Variants in SLC9A7 observed in about 807,000 individuals in gnomAD.
The protein encoded by SLC9A7 is solute carrier family 9 member A7, also known as sodium/hydrogen exchanger 7.
A neutral mutation model predicts 52.6 loss-of-function variants in SLC9A7; 19 were observed. The ratio of observed to expected loss-of-function variants is 0.36; its 90% confidence interval spans 0.25 to 0.53. The LOEUF is 0.53. Among genes scored for constraint, SLC9A7 ranks in the 20% least tolerant of loss-of-function variants. The pLI, the probability that SLC9A7 is intolerant of heterozygous loss-of-function variation, is 0.91. For synonymous variants in SLC9A7, 226 were observed against 252.1 expected (o/e 0.90, Z 0.98); for missense variants, 455 against 597.9 (o/e 0.76, Z 2.49).
chrX:46,732,636 G>A (rs1007260589), intron 1 of SLC9A7, among the ~76,000 whole-genome samples: 7 of 111,610 alleles, frequency 6.3e-5, no homozygotes, highest in Middle Eastern at 4.6e-3. Flanking sequence ...ATATTGTGGA[G>A]GAAGTAAAAA....
chrX:46,714,514 T>A (rs1487328028), intron 1 of SLC9A7, among the ~76,000 whole-genome samples: 1 of 111,475 alleles, frequency 9.0e-6, no homozygotes, highest in African/African-American at 3.3e-5. Context: ...GGACCTCATC[T>A]CCACCCCAAT....
rs762931973 is a variant in SLC9A7, at chrX:46,600,291, T to G, written c.*6661A>C. On this transcript the variant is annotated 3_prime_UTR_variant, in exon 17 of 17. Coordinates refer to ENST00000616978, the MANE Select transcript of SLC9A7 (RefSeq NM_001257291.2). ...TTGAGGTTTCCATGCTGTTTACAAG[T>G]CCTTTTCTATCTGAGTTCCTCCAAC... 1 of 112,297 alleles carries G rather than the reference T, an allele frequency of 8.9e-6. No individual in the cohort carries two copies. The highest frequency in any genetic ancestry group is 3.7e-4 in the South Asian group (1 of 2,716). 9.3% of individuals were successfully genotyped at this position (112,297 alleles called of 1,213,427 possible). A position where few individuals can be genotyped will look rare whatever the true frequency, so the allele number is the denominator to read the frequency against.
chrX:46,666,366 C>A (rs1943921908), intron 5 of SLC9A7, among the ~76,000 whole-genome samples: 1 of 112,229 alleles, frequency 8.9e-6, no homozygotes, highest in Non-Finnish European at 1.9e-5. Flanking sequence ...TACTAGAAGT[C>A]AATCTGGTCT....
chrX:46,698,365 C>T (rs1944480226), intron 1 of SLC9A7, among the ~76,000 whole-genome samples: 1 of 111,458 alleles, frequency 9.0e-6, no homozygotes, highest in Non-Finnish European at 1.9e-5. Context: ...TGTACTCTGT[C>T]CCTTTATTTC....
chrX:46,668,435 A>G (rs1172813643), intron 5 of SLC9A7, among the ~76,000 whole-genome samples: 1 of 111,515 alleles, frequency 9.0e-6, no homozygotes, highest in Non-Finnish European at 1.9e-5. Flanking sequence ...GCAGAGGCGG[A>G]GGCAGAGGTT....
At chrX:46,735,429 G>A (rs1026152560) in intron 1 of SLC9A7, among the ~76,000 whole-genome samples, 1 of 111,563 alleles carries the variant, frequency 9.0e-6, no homozygotes, top group Non-Finnish European at 1.9e-5. Flanking sequence ...TTCCATCTTT[G>A]TGCCATTGTT....
intron 2 of SLC9A7, among the ~76,000 whole-genome samples, chrX:46,681,635 T>C (rs1375042149): frequency 2.7e-5 from 3 of 112,345 alleles, no homozygotes; most frequent in Admixed American, 1.9e-4. Context: ...AAGACCGCTA[T>C]ACAGAAGGCT....
intron 1 of SLC9A7, among the ~76,000 whole-genome samples, chrX:46,736,560 C>T (rs1282923710): frequency 1.8e-5 from 2 of 111,416 alleles, no homozygotes; most frequent in African/African-American, 6.5e-5. Context: ...AAGATGAGTA[C>T]ACCTTTTTTT....
chrX:46,679,745 T>C lies in SLC9A7; in HGVS notation c.536A>G (p.Asp179Gly). ...AAGAATGTTGAAAAATACTTCTGGATCGAATGTTACCTGAAAGTTTAAAAA... is the reference window on the plus strand; with the variant it reads ...AAGAATGTTGAAAAATACTTCTGGACCGAATGTTACCTGAAAGTTTAAAAA... Reference protein sequence around the residue: ...QNDMLRKVTFDPEVFFNILLP... With the variant: ...QNDMLRKVTFGPEVFFNILLP... The change falls in exon 3 of 17, where the codon GAT becomes GGT. Residue 179 changes from aspartate to glycine, a missense_variant. Transcript: ENST00000616978. 5 of 1,190,323 alleles carry C rather than the reference T, an allele frequency of 4.2e-6. No individual in the cohort carries two copies. Among genetic ancestry groups the C allele is most frequent in the Non-Finnish European group, 5.7e-6 (5 of 880,484 alleles).
At chrX:46,701,313 C>T (rs749537331) in intron 1 of SLC9A7, among the ~76,000 whole-genome samples, 8 of 111,606 alleles carry the variant, frequency 7.2e-5, no homozygotes, top group African/African-American at 2.3e-4. Context: ...ATGGGCCGGG[C>T]GCGGTGGCTC....
intron 1 of SLC9A7, among the ~76,000 whole-genome samples, chrX:46,726,752 C>T (rs1395221087): frequency 9.0e-6 from 1 of 111,678 alleles, no homozygotes; most frequent in East Asian, 2.8e-4. Flanking sequence ...GCAGCTTCAT[C>T]TCAATGGGAG....
chrX:46,754,877 T>C (rs1556290989), intron 1 of SLC9A7, among the ~76,000 whole-genome samples: 1 of 112,736 alleles, frequency 8.9e-6, no homozygotes, highest in African/African-American at 3.2e-5. Context: ...ACACTTTCTA[T>C]TTCTGCTGCA....
chrX:46,699,265 T>C (rs2146910727), intron 1 of SLC9A7, among the ~76,000 whole-genome samples: 1 of 112,155 alleles, frequency 8.9e-6, no homozygotes, highest in Non-Finnish European at 1.9e-5. Context: ...ATGGAAAATG[T>C]AGTTATATTG....
At chrX:46,651,932 A>G (rs1865324825) in intron 8 of SLC9A7, among the ~76,000 whole-genome samples, 1 of 110,209 alleles carries the variant, frequency 9.1e-6, no homozygotes, top group South Asian at 3.9e-4. Flanking sequence ...GTGTCTCCCA[A>G]CCCTGCCTTC....
At chrX:46,711,156 C>T (rs914001489) in intron 1 of SLC9A7, among the ~76,000 whole-genome samples, 2 of 112,850 alleles carry the variant, frequency 1.8e-5, no homozygotes, top group African/African-American at 3.2e-5. Flanking sequence ...ACAGGCCTTA[C>T]CATCAAACTG....
intron 14 of SLC9A7, 42 bp downstream of exon 14, chrX:46,631,544 C>G (rs1425895799): frequency 8.9e-7 from 1 of 1,118,202 alleles, no homozygotes; most frequent in Non-Finnish European, 1.2e-6. Context: ...GTGGCGAATG[C>G]TCAAATGTCT....
chrX:46,697,403 G>A (rs1024126779), intron 1 of SLC9A7, among the ~76,000 whole-genome samples: 1 of 112,184 alleles, frequency 8.9e-6, no homozygotes, highest in African/African-American at 3.2e-5. Context: ...ACCCCAAACA[G>A]AGGGACCAGC....
At chrX:46,741,267 G>A (rs1317452831) in intron 1 of SLC9A7, among the ~76,000 whole-genome samples, 3 of 111,503 alleles carry the variant, frequency 2.7e-5, no homozygotes, top group Non-Finnish European at 5.7e-5. Flanking sequence ...ACATTCCGCA[G>A]GTAGAGACAA....
At chrX:46,728,502 G>A (rs959158859) in intron 1 of SLC9A7, among the ~76,000 whole-genome samples, 2 of 111,909 alleles carry the variant, frequency 1.8e-5, no homozygotes, top group Non-Finnish European at 3.8e-5. Context: ...AACAAAAGTT[G>A]GTAAAGGTGT....
Sources: allele counts gnomAD v4.1 joint callset (sites outside exome capture counted in the v4.1 genomes callset), GRCh38; gene constraint gnomAD v4.1.1; transcripts MANE v1.5; gene names NCBI Gene and HGNC (gene_info 2026-07-23, HGNC 2026-07-21).